Variants in ZNF268 observed in about 807,000 individuals in gnomAD.
The protein encoded by ZNF268 is zinc finger protein 3.
A neutral mutation model predicts 29.3 loss-of-function variants in ZNF268; 20 were observed. The ratio of observed to expected loss-of-function variants is 0.68; its 90% CI spans 0.48 to 0.99. ZNF268 has a LOEUF of 0.99. Among genes scored for constraint, ZNF268 ranks in the 50% least tolerant of loss-of-function variants. The probability of loss-of-function intolerance (pLI) is 0.00; values close to 1 mark genes in which losing one functional copy is unlikely to be tolerated. For synonymous variants in ZNF268, 429 were observed against 376.9 expected, an observed-to-expected ratio of 1.14 and a Z score of -1.60; for missense variants, 1,240 against 1,121.6, an observed-to-expected ratio of 1.11 and a Z score of -1.51.
At chr12:133,182,904 G>A (rs907139988) in intron 2 of ZNF268, among the ~76,000 whole-genome samples, 1 of 152,164 alleles carries the variant, frequency 6.6e-6, no homozygotes, top group Admixed American at 6.5e-5. Context: ...AGGGCAGGTG[G>A]TCCCCAACCC....
At position 133,211,094 on chromosome 12, in the gene ZNF268, T is replaced by C. The variant is rs759597416; in HGVS notation, c.*6564T>C. 17 of 442,870 alleles carry C rather than the reference T, an allele frequency of 3.8e-5. No individual in the cohort carries two copies. The highest frequency in any genetic ancestry group is 6.9e-5 in the Non-Finnish European group (15 of 216,728). 27.4% of individuals were successfully genotyped at this position (442,870 alleles called of 1,614,324 possible). On this transcript the variant is annotated 3_prime_UTR_variant, in exon 6 of 6. Transcript: ENST00000536435. ...TAATAAAAGGCAAAGTAGATGGCCATAGACAAAAGTCAAGTGATTTCCTAT... is the reference window on the plus strand; with the variant it reads ...TAATAAAAGGCAAAGTAGATGGCCACAGACAAAAGTCAAGTGATTTCCTAT...
intron 3 of ZNF268, among the ~76,000 whole-genome samples, chr12:133,190,452 C>A (rs1956437360): frequency 6.6e-6 from 1 of 152,226 alleles, no homozygotes; most frequent in Non-Finnish European, 1.5e-5. Flanking sequence ...CACATCCTCT[C>A]CAGCATTTGG....
At position 133,207,863 on chromosome 12, in the gene ZNF268, T is replaced by C. The variant is rs929688141; in HGVS notation, c.*3333T>C. On this transcript the variant is annotated 3_prime_UTR_variant, in exon 6 of 6. Coordinates refer to ENST00000536435, the MANE Select transcript of ZNF268 (RefSeq NM_003415.3). Reference sequence around the variant, plus strand: ...AATATTAGAAAATATTTTAATTAACTACCAGATAAAACTCATAAGGATTAT... The same window carrying C: ...AATATTAGAAAATATTTTAATTAACCACCAGATAAAACTCATAAGGATTAT... The C allele has an allele frequency of 6.6e-6, 1 of 152,124 alleles. No homozygotes were observed. The allele number at this position is 152,124 out of a possible 1,614,324, so 9.4% of individuals were successfully genotyped here. A position where few individuals can be genotyped will look rare whatever the true frequency, so the allele number is the denominator to read the frequency against.
intron 2 of ZNF268, among the ~76,000 whole-genome samples, chr12:133,186,614 G>A (rs1178072555): frequency 6.6e-6 from 1 of 151,894 alleles, no homozygotes; most frequent in African/African-American, 2.4e-5. Flanking sequence ...CTGAGTTCAG[G>A]CAACTCACCT....
At chr12:133,183,345 G>A (rs1347688744) in intron 2 of ZNF268, among the ~76,000 whole-genome samples, 2 of 152,102 alleles carry the variant, frequency 1.3e-5, no homozygotes, top group East Asian at 1.9e-4. Flanking sequence ...TGAGAAAGGA[G>A]AGGAGGTGGC....
chr12:133,185,219 T>A (rs1197866795), intron 2 of ZNF268, among the ~76,000 whole-genome samples: 3 of 150,274 alleles, frequency 2.0e-5, no homozygotes, highest in Non-Finnish European at 4.4e-5. Context: ...GTGTGGTGGC[T>A]ACTTTAGCTT....
rs951340596 is a variant in ZNF268 at position 133,208,406 on chromosome 12, G to A, written c.*3876G>A. 1 of 152,266 alleles carries A rather than the reference G, an allele frequency of 6.6e-6. No individual in the cohort carries two copies. Among genetic ancestry groups the A allele is most frequent in the East Asian group, 1.9e-4 (1 of 5,190 alleles). 9.4% of individuals were successfully genotyped at this position (152,266 alleles called of 1,614,324 possible). ...ATCTACTCGGGAGGCTGAGGCAGAA[G>A]AATTGCTTGAACCTAGGAGGTGGCA... On this transcript the variant is annotated 3_prime_UTR_variant, in exon 6 of 6. Transcript: ENST00000536435.
Position 133,206,306 on chromosome 12 carries a change from A to G in ZNF268, c.*1776A>G, listed in dbSNP as rs918132108. ...GCTCACTGAGGCTTTGGGGAAATGG[A>G]TAAGTTGTCATTGAAAAATTTTAAA... On this transcript the variant is annotated 3_prime_UTR_variant, in exon 6 of 6. Coordinates refer to ENST00000536435, the MANE Select transcript of ZNF268 (RefSeq NM_003415.3). 4.6e-5 allele frequency: 7 copies of G among 152,214 alleles called. No homozygotes were observed. The highest frequency in any genetic ancestry group is 1.7e-4 in the African/African-American group (7 of 41,450). 9.4% of individuals were successfully genotyped at this position (152,214 alleles called of 1,614,324 possible). A position where few individuals can be genotyped will look rare whatever the true frequency, so the allele number is the denominator to read the frequency against.
rs1294187524 is a variant in ZNF268 at position 133,214,252 on chromosome 12, CTTA to C, written c.*9728_*9730del. On this transcript the variant is annotated 3_prime_UTR_variant, in exon 6 of 6. Transcript: ENST00000536435. ...TAACACTCCATACCCATCAGAATGT[CTTA>C]TTATTTTAAAAACAAACCAGAAACA... 4 of 152,282 alleles carry C rather than the reference CTTA, an allele frequency of 2.6e-5. No individual in the cohort carries two copies. The highest frequency in any genetic ancestry group is 2.1e-4 in the South Asian group (1 of 4,828). 9.4% of individuals were successfully genotyped at this position (152,282 alleles called of 1,614,324 possible).
chr12:133,192,328 G>A (rs528694508), intron 5 of ZNF268, among the ~76,000 whole-genome samples: 34 of 151,976 alleles, frequency 2.2e-4, no homozygotes, highest in African/African-American at 8.0e-4. Flanking sequence ...GTCTAGTCTC[G>A]AACTCCTGAC....
chr12:133,181,878 C>A, intron 1 of ZNF268, 68 bp from the exon 2 acceptor site: 1 of 1,107,758 alleles, frequency 9.0e-7, no homozygotes, highest in Non-Finnish European at 1.3e-6. Flanking sequence ...CCTGGTGCCT[C>A]GGACCCTCCC....
At chr12:133,189,831 G>A (rs916501875) in intron 3 of ZNF268, among the ~76,000 whole-genome samples, 20 of 151,910 alleles carry the variant, frequency 1.3e-4, no homozygotes, top group African/African-American at 4.1e-4. Context: ...TTTTTGAGAC[G>A]GAGTCTCGCT....
chr12:133,187,210 C>T (rs1028434032), intron 2 of ZNF268, among the ~76,000 whole-genome samples: 3 of 151,920 alleles, frequency 2.0e-5, no homozygotes, highest in African/African-American at 7.3e-5. Context: ...TTCACCTGTG[C>T]CGCCTTCTAG....
chr12:133,182,752 T>C (rs1956210438), intron 2 of ZNF268, among the ~76,000 whole-genome samples: 1 of 152,204 alleles, frequency 6.6e-6, no homozygotes, highest in Non-Finnish European at 1.5e-5. Flanking sequence ...CCTCATGTGG[T>C]GAACTTTGGG....
intron 2 of ZNF268, among the ~76,000 whole-genome samples, chr12:133,186,271 G>T (rs1276761330): frequency 6.6e-6 from 1 of 152,144 alleles, no homozygotes; most frequent in Non-Finnish European, 1.5e-5. Context: ...TTGAGGCAGA[G>T]ATTCTAGGAT....
chr12:133,189,193 A>G (rs7313776), intron 3 of ZNF268, among the ~76,000 whole-genome samples: 13,754 of 150,842 alleles, frequency 0.091, 1,139 homozygotes, highest in African/African-American at 0.23. Flanking sequence ...GCTGTTGTAA[A>G]CAGTATCAGT....
intron 3 of ZNF268, among the ~76,000 whole-genome samples, chr12:133,189,941 A>G (rs1029499074): frequency 9.2e-5 from 14 of 152,062 alleles, no homozygotes; most frequent in Admixed American, 5.2e-4. Context: ...CTGAGCAGCT[A>G]GGACTACAGG....
rs1216197640 is a variant in ZNF268 at position 133,207,548 on chromosome 12, C to T, written c.*3018C>T. ...ATGGGGCCAGGCACGGTGGCTCACA[C>T]CTATAATCCCAGCACTTCAGGAGGC... On this transcript the variant is annotated 3_prime_UTR_variant, in exon 6 of 6. Coordinates refer to ENST00000536435, the MANE Select transcript of ZNF268 (RefSeq NM_003415.3). 2 of 152,204 alleles carry T rather than the reference C, an allele frequency of 1.3e-5. No individual in the cohort carries two copies. The highest frequency in any genetic ancestry group is 2.4e-5 in the African/African-American group (1 of 41,430). 9.4% of individuals were successfully genotyped at this position (152,204 alleles called of 1,614,324 possible).
Position 133,204,855 on chromosome 12 carries a change from AAG to A in ZNF268, c.*328_*329del, listed in dbSNP as rs1461876589. ...TCATTTTACTAAAATAAGATTCACA[AAG>A]AGGAAACTTCATGAACCAGATGAAT... is the stretch of plus-strand genomic sequence containing the variant. On this transcript the variant is annotated 3_prime_UTR_variant, in exon 6 of 6. Transcript: ENST00000536435. The A allele has an allele frequency of 4.7e-6, 1 of 214,566 alleles. No homozygotes were observed. Among genetic ancestry groups the A allele is most frequent in the African/African-American group, 2.3e-5 (1 of 43,754 alleles). 13.3% of individuals were successfully genotyped at this position (214,566 alleles called of 1,614,324 possible).
Sources: allele counts gnomAD v4.1 joint callset (sites outside exome capture counted in the v4.1 genomes callset), GRCh38; gene constraint gnomAD v4.1.1; transcripts MANE v1.5; gene names NCBI Gene and HGNC (gene_info 2026-07-23, HGNC 2026-07-21).